The following GRIK2 variants were observed in gnomAD, a reference collection of about 807,000 sequenced individuals.
The protein encoded by GRIK2 is glutamate receptor ionotropic, kainate 2.
GRIK2 carries 32 observed loss-of-function variants against 100.3 expected under a neutral mutation model. The observed-to-expected ratio is 0.32, with a 90% CI of 0.24 to 0.43. The LOEUF (loss-of-function observed/expected upper bound fraction) is 0.43, where lower values mean the gene tolerates loss of function less well. Among genes scored for constraint, GRIK2 ranks in the 20% least tolerant of loss-of-function variants. The probability of loss-of-function intolerance (pLI) is 1.00; values close to 1 mark genes in which losing one functional copy is unlikely to be tolerated. For missense variants in GRIK2, 843 were observed against 1,114.9 expected, an observed-to-expected ratio of 0.76 and a Z score of 3.47; for synonymous variants, 417 against 389.4, an observed-to-expected ratio of 1.07 and a Z score of -0.83.
intron 14 of GRIK2, among the ~76,000 whole-genome samples, chr6:101,929,891 T>G (rs1790148528): frequency 6.6e-6 from 1 of 152,122 alleles, no homozygotes; most frequent in East Asian, 1.9e-4. Flanking sequence ...TTAATCAAAT[T>G]TATTGAATAA....
chr6:101,802,482 A>G, intron 9 of GRIK2, 44 bp downstream of exon 9: 1 of 778,514 alleles, frequency 1.3e-6, no homozygotes, highest in South Asian at 2.0e-5. Context: ...AATGAAACAT[A>G]TCTCAAAGAA....
At chr6:101,790,332 T>A (rs1284027104) in intron 7 of GRIK2, among the ~76,000 whole-genome samples, 1 of 152,144 alleles carries the variant, frequency 6.6e-6, no homozygotes, top group Non-Finnish European at 1.5e-5. Context: ...AGTATGATAT[T>A]GGCTGTGGGT....
intron 2 of GRIK2, among the ~76,000 whole-genome samples, chr6:101,411,296 A>T (rs890893094): frequency 3.3e-5 from 5 of 152,152 alleles, no homozygotes; most frequent in African/African-American, 1.2e-4. Flanking sequence ...TCTGCAGAAT[A>T]AATTCAAACA....
intron 7 of GRIK2, among the ~76,000 whole-genome samples, chr6:101,798,495 G>A (rs1780463218): frequency 6.6e-6 from 1 of 151,936 alleles, no homozygotes; most frequent in African/African-American, 2.4e-5. Flanking sequence ...ATATTATTAT[G>A]TTCTCTTATT....
At chr6:101,618,797 G>C (rs2128315656) in intron 2 of GRIK2, among the ~76,000 whole-genome samples, 1 of 151,230 alleles carries the variant, frequency 6.6e-6, no homozygotes, top group East Asian at 1.9e-4. Flanking sequence ...TTCTCTATAT[G>C]TTATGAAATG....
At chr6:101,651,788 T>G (rs1255835220) in intron 4 of GRIK2, among the ~76,000 whole-genome samples, 1 of 152,154 alleles carries the variant, frequency 6.6e-6, no homozygotes, top group Non-Finnish European at 1.5e-5. Context: ...GAGTAGGCAG[T>G]TGGATATAGG....
At chr6:102,011,577 C>CTTTTTTTTTTTTTTTTTTTTT (rs763369559) in intron 14 of GRIK2, among the ~76,000 whole-genome samples, 11 of 76,650 alleles carry the variant, frequency 1.4e-4, no homozygotes, top group South Asian at 4.8e-4. Flanking sequence ...CTTTCTTTTC[C>CTTTTTTTTTTTTTTTTTTTTT]TTTTTTTTTT....
intron 2 of GRIK2, among the ~76,000 whole-genome samples, chr6:101,565,211 A>T (rs1582727399): frequency 6.6e-6 from 1 of 152,196 alleles, no homozygotes; most frequent in Non-Finnish European, 1.5e-5. Context: ...CTCTAAGAGA[A>T]AAATAGGCCC....
intron 14 of GRIK2, among the ~76,000 whole-genome samples, chr6:102,022,914 A>G (rs530248571): frequency 6.6e-6 from 1 of 151,668 alleles, no homozygotes; most frequent in African/African-American, 2.4e-5. Flanking sequence ...TAAGTGAGTT[A>G]ATAAAGTAAG....
At chr6:101,948,852 A>G (rs1011883044) in intron 14 of GRIK2, among the ~76,000 whole-genome samples, 3 of 152,118 alleles carry the variant, frequency 2.0e-5, no homozygotes, top group Admixed American at 6.6e-5. Flanking sequence ...AACAGATATC[A>G]AATTGCCAAT....
intron 2 of GRIK2, among the ~76,000 whole-genome samples, chr6:101,532,422 T>C (rs1327640417): frequency 1.3e-5 from 2 of 151,956 alleles, no homozygotes; most frequent in Non-Finnish European, 2.9e-5. Context: ...AAAATTATAC[T>C]ATAAATTCCG....
chr6:101,695,527 A>G (rs1247834879), intron 7 of GRIK2, among the ~76,000 whole-genome samples: 1 of 151,044 alleles, frequency 6.6e-6, no homozygotes, highest in Non-Finnish European at 1.5e-5. Context: ...ACCTATATTT[A>G]TCTATGTACT....
intron 2 of GRIK2, among the ~76,000 whole-genome samples, chr6:101,587,484 CAGA>C (rs1778437097): frequency 6.6e-6 from 1 of 151,886 alleles, no homozygotes; most frequent in African/African-American, 2.4e-5. Context: ...ATAGGATTTC[CAGA>C]AGGAGCTGAG....
intron 4 of GRIK2, among the ~76,000 whole-genome samples, chr6:101,649,239 A>G (rs1311223750): frequency 6.6e-6 from 1 of 152,154 alleles, no homozygotes; most frequent in Non-Finnish European, 1.5e-5. Flanking sequence ...AACAAGTGAC[A>G]TAATACTAGC....
chr6:101,509,766 G>A (rs1466195229), intron 2 of GRIK2, among the ~76,000 whole-genome samples: 1 of 152,152 alleles, frequency 6.6e-6, no homozygotes, highest in Non-Finnish European at 1.5e-5. Flanking sequence ...GATTCCAAAT[G>A]ATATTTGGAT....
intron 2 of GRIK2, among the ~76,000 whole-genome samples, chr6:101,428,275 A>G (rs993427422): frequency 6.6e-6 from 1 of 152,196 alleles, no homozygotes; most frequent in Non-Finnish European, 1.5e-5. Flanking sequence ...AAATTCTTTA[A>G]TACAGCTTTG....
chr6:101,836,655 A>ATTT, intron 10 of GRIK2, among the ~76,000 whole-genome samples: 1 of 45,212 alleles, frequency 2.2e-5, no homozygotes, highest in African/African-American at 6.8e-5. Context: ...ATATATATAT[A>ATTT]TATATATTTT....
chr6:101,872,087 G>A (rs755176345), intron 11 of GRIK2, among the ~76,000 whole-genome samples: 3 of 151,870 alleles, frequency 2.0e-5, no homozygotes, highest in Non-Finnish European at 4.4e-5. Context: ...TGACTGATGT[G>A]AGATGGTATC....
intron 14 of GRIK2, among the ~76,000 whole-genome samples, chr6:102,004,287 A>ATTT (rs35096329): frequency 2.6e-5 from 3 of 114,484 alleles, no homozygotes; most frequent in African/African-American, 9.7e-5. Context: ...CTGTAAGTTC[A>ATTT]TTTTTTTTTT....
Sources: gnomAD v4.1 joint callset for allele counts (sites outside exome capture counted in the v4.1 genomes callset) on GRCh38, gnomAD v4.1.1 for gene constraint, MANE v1.5 for transcripts, NCBI Gene and HGNC (gene_info 2026-07-23, HGNC 2026-07-21) for gene names.